C4orf54: variants seen among roughly 807,000 people sequenced by gnomAD.
C4orf54 encodes chromosome 4 open reading frame 54, also known as uncharacterized protein C4orf54.
In C4orf54, 67 loss-of-function variants were observed where a neutral mutation model predicts 80.1. The ratio of observed to expected loss-of-function variants is 0.84; its 90% confidence interval spans 0.69 to 1.03. The LOEUF is 1.03. Ranked by LOEUF, C4orf54 falls within the 50% of genes least tolerant of loss-of-function variation. The pLI is 0.00. For synonymous variants in C4orf54, 1,000 were observed against 917.0 expected (o/e 1.09, Z -1.64); for missense variants, 2,434 against 2,253.5 (o/e 1.08, Z -1.62).
intron 2 of C4orf54, among the ~76,000 whole-genome samples, chr4:99,643,090 A>G (rs1384410829): frequency 6.6e-6 from 1 of 152,188 alleles, no homozygotes; most frequent in African/African-American, 2.4e-5. Flanking sequence ...GTCTGCATTG[A>G]TAAGGGCTGA....
chr4:99,653,988 C>A lies in C4orf54; in HGVS notation c.661G>T (p.Gly221Cys). Residue 221 changes from glycine to cysteine, a missense_variant, in exon 2 of 3, where the codon GGT (glycine) becomes TGT (cysteine). Coordinates refer to ENST00000511828, the MANE Select transcript of C4orf54 (RefSeq NM_001354435.2). ...TTTGGGCTCCTAGAGGCCCTCTGAC[C>A]CCCAGGGCAGTGCCCCAGGGTAAGT... ...MKLTLGHCPG[G>C]QRASRSPKEK... 6.5e-7 allele frequency: 1 copy of A among 1,536,116 alleles called. No individual in the cohort carries two copies. The highest frequency in any genetic ancestry group is 8.7e-7 in the Non-Finnish European group (1 of 1,146,904).
At position 99,657,475 on chromosome 4, in the gene C4orf54, A is replaced by G. The variant is rs917921438; in HGVS notation, c.-32+20T>C. The stretch of plus-strand genomic sequence containing the variant: ...CCCCAAGAGGCAAAGAGAGAGCATC[A>G]TTCTGACAGTAGTACTTACCTCCAA... On this transcript the variant is annotated intron_variant, in intron 1 of 2. Transcript: ENST00000511828. 1.5e-4 allele frequency among the ~76,000 whole-genome samples: 23 copies of G among 152,248 alleles called. No individual in the cohort carries two copies. Among genetic ancestry groups the G allele is most frequent in the African/African-American group, 5.1e-4 (21 of 41,474 alleles).
Position 99,650,064 on chromosome 4 carries a change from G to T in C4orf54, c.4585C>A (p.Arg1529=). 5 of 1,535,946 alleles carry T rather than the reference G, an allele frequency of 3.3e-6. No individual in the cohort carries two copies. Among genetic ancestry groups the T allele is most frequent in the South Asian group, 2.4e-5 (2 of 84,048 alleles). Residue 1529 remains arginine, a synonymous_variant, in exon 2 of 3, where the codon CGA becomes AGA. Coordinates refer to ENST00000511828, the MANE Select transcript of C4orf54 (RefSeq NM_001354435.2). ...TCAGGTTTGGTACGCCAAGCTGGTCGGCTGGTTCCACTAACCTGAGAGCCT... is the reference window on the plus strand; with the variant it reads ...TCAGGTTTGGTACGCCAAGCTGGTCTGCTGGTTCCACTAACCTGAGAGCCT... ...SKGSQVSGTS[R]PAWRTKPDNP...
chr4:99,639,198 A>G lies in C4orf54; in HGVS notation c.*2035T>C, dbSNP rs1726563006. 1 of 152,084 alleles carries G rather than the reference A, an allele frequency of 6.6e-6. No individual in the cohort carries two copies. Among genetic ancestry groups the G allele is most frequent in the East Asian group, 1.9e-4 (1 of 5,180 alleles). 9.4% of individuals were successfully genotyped at this position (152,084 alleles called of 1,614,324 possible). On this transcript the variant is annotated 3_prime_UTR_variant, in exon 3 of 3. Coordinates refer to ENST00000511828, the MANE Select transcript of C4orf54 (RefSeq NM_001354435.2). ...ATTTGGCTTTAAACCAGTCTTAACA[A>G]TTTTGGTACTATCCACCCAAATCCT...
In C4orf54 at chr4:99,649,937, C is replaced by G; in HGVS notation, c.4712G>C (p.Gly1571Ala). 6.5e-7 allele frequency: 1 copy of G among 1,531,040 alleles called. No individual in the cohort carries two copies. Among genetic ancestry groups the G allele is most frequent in the African/African-American group, 1.4e-5 (1 of 72,950 alleles). 94.8% of individuals were successfully genotyped at this position (1,531,040 alleles called of 1,614,324 possible). A position where few individuals can be genotyped will look rare whatever the true frequency, so the allele number is the denominator to read the frequency against. Reference protein sequence around the residue: ...HQPPLPFTLQGAQPQVLCFSP... With the variant: ...HQPPLPFTLQAAQPQVLCFSP... The stretch of plus-strand genomic sequence containing the variant: ...GAAGCAGAGGACCTGAGGCTGGGCC[C>G]CCTGTAGGGTGAAGGGCAGCGGCGG... Residue 1571 changes from glycine (G) to alanine (A), a missense_variant, in exon 2 of 3, where the codon GGG becomes GCG. Physicochemically the swap from Gly to Ala is moderately conservative, Grantham distance 60. Transcript: ENST00000511828.
rs1029875558 is a variant in C4orf54, at chr4:99,649,384, A to G, written c.5265T>C (p.Phe1755=). ...TGACAGGCTTGCCATGCAGCTGGGC[A>G]AAGGCCTTGGCCCCTAGGAGCTGGG... The part of the protein sequence containing the change: ...ATSQLLGAKA[F]AQLHGKPVIS... The change falls in exon 2 of 3, where the codon TTT becomes TTC. Residue 1755 remains phenylalanine (F), a synonymous_variant. Coordinates refer to ENST00000511828, the MANE Select transcript of C4orf54 (RefSeq NM_001354435.2). 1.2e-5 allele frequency: 19 copies of G among 1,536,038 alleles called. No individual in the cohort carries two copies. The highest frequency in any genetic ancestry group is 1.6e-5 in the Non-Finnish European group (18 of 1,146,926).
Position 99,654,099 on chromosome 4 carries a change from G to A in C4orf54, c.550C>T (p.Pro184Ser). 1.3e-6 allele frequency: 2 copies of A among 1,536,156 alleles called. No individual in the cohort carries two copies. Among genetic ancestry groups the A allele is most frequent in the Non-Finnish European group, 1.7e-6 (2 of 1,146,910 alleles). Residue 184 changes from proline to serine, a missense_variant, in exon 2 of 3, where the codon CCT becomes TCT. Coordinates refer to ENST00000511828, the MANE Select transcript of C4orf54 (RefSeq NM_001354435.2). ...LKQQLWPLPK[P>S]SASSQREAKY... ...GCTTCTCGCTGGGAGGAGGCTGAAG[G>A]CTTGGGAAGTGGCCACAGCTGCTGC...
chr4:99,651,366 T>G lies in C4orf54; in HGVS notation c.3283A>C (p.Lys1095Gln), dbSNP rs1413372285. ...PHFQVRDIRD[K>Q]SKAQGPLHQV... ...TGGAGGGGGCCTTGAGCCTTGGACT[T>G]GTCTCTGATGTCTCTCACCTGGAAA... The change falls in exon 2 of 3, where the codon AAG becomes CAG. Residue 1095 changes from lysine to glutamine, a missense_variant. Physicochemically the swap from Lys to Gln is moderately conservative, Grantham distance 53. Coordinates refer to ENST00000511828, the MANE Select transcript of C4orf54 (RefSeq NM_001354435.2). 6.5e-7 allele frequency: 1 copy of G among 1,536,172 alleles called. No individual in the cohort carries two copies. Among genetic ancestry groups the G allele is most frequent in the Non-Finnish European group, 8.7e-7 (1 of 1,146,914 alleles).
rs765528875 is a variant in C4orf54, at chr4:99,649,622, T to C, written c.5027A>G (p.Tyr1676Cys). 9 of 1,535,930 alleles carry C rather than the reference T, an allele frequency of 5.9e-6. No homozygotes were observed. The highest frequency in any genetic ancestry group is 7.8e-6 in the Non-Finnish European group (9 of 1,146,888). The change falls in exon 2 of 3, where the codon TAC becomes TGC. Residue 1676 changes from tyrosine (Y) to cysteine (C), a missense_variant. Coordinates refer to ENST00000511828, the MANE Select transcript of C4orf54 (RefSeq NM_001354435.2). ...ALSPGAYGPT[Y>C]MIYPGFLPTV... is the part of the protein sequence containing the mutation. Reference sequence around the variant, plus strand: ...AGGCAGAAACCCAGGGTAAATCATGTAGGTGGGTCCATAAGCCCCAGGACT... The same window carrying C: ...AGGCAGAAACCCAGGGTAAATCATGCAGGTGGGTCCATAAGCCCCAGGACT...
rs1192804810 is a variant in C4orf54 at position 99,653,641 on chromosome 4, C to T, written c.1008G>A (p.Gly336=). The change falls in exon 2 of 3, where the codon GGG becomes GGA. Residue 336 remains glycine (G), a synonymous_variant. Transcript: ENST00000511828. ...CTGTTCCATCTCCTGCCCCTCCTCC[C>T]CCTCCTCCTTTTCCTCCTCCCCCTC... ...SGGGGGGKGG[G]GGGAGDGTEC... is the part of the protein sequence containing the mutation. 13 of 1,533,884 alleles carry T rather than the reference C, an allele frequency of 8.5e-6. No homozygotes were observed. Among genetic ancestry groups the T allele is most frequent in the East Asian group, 2.4e-5 (1 of 40,884 alleles).
At chr4:99,656,790 G>A (rs545967880) in intron 1 of C4orf54, among the ~76,000 whole-genome samples, 1 of 152,312 alleles carries the variant, frequency 6.6e-6, no homozygotes, top group East Asian at 1.9e-4. Context: ...TTATGTGACA[G>A]ACTTCAAACC....
chr4:99,646,293 G>C lies in C4orf54; in HGVS notation c.*36+2938C>G, dbSNP rs559884664. Among the ~76,000 whole-genome samples, 3 of 152,344 alleles carry C rather than the reference G, an allele frequency of 2.0e-5. No individual in the cohort carries two copies. In the South Asian group the frequency reaches 6.2e-4, roughly 32 times the overall value. Reference sequence around the variant, plus strand: ...GGCCCCTAATTTGTGTTATCCGTATGTGGGTTTACGGCCCCAACAGGGAGT... The same window carrying C: ...GGCCCCTAATTTGTGTTATCCGTATCTGGGTTTACGGCCCCAACAGGGAGT... On this transcript the variant is annotated intron_variant, in intron 2 of 2. Coordinates refer to ENST00000511828, the MANE Select transcript of C4orf54 (RefSeq NM_001354435.2).
intron 1 of C4orf54, among the ~76,000 whole-genome samples, 190 bp from the exon 2 acceptor site, chr4:99,654,869 G>A (rs991936226): frequency 2.6e-5 from 4 of 152,108 alleles, no homozygotes; most frequent in Non-Finnish European, 4.4e-5. Context: ...CTATTATAGC[G>A]ATGTCTAGCA....
In C4orf54 at chr4:99,649,599, G is replaced by A; in HGVS notation, c.5050C>T (p.Pro1684Ser). 1 of 1,536,160 alleles carries A rather than the reference G, an allele frequency of 6.5e-7. No homozygotes were observed. The highest frequency in any genetic ancestry group is 8.7e-7 in the Non-Finnish European group (1 of 1,146,920). Residue 1684 changes from proline (P) to serine (S), a missense_variant, in exon 2 of 3, where the codon CCT becomes TCT. Transcript: ENST00000511828. ...AGAGCATTGGTGGGCAGCACGGTAGGCAGAAACCCAGGGTAAATCATGTAG... is the reference window on the plus strand; with the variant it reads ...AGAGCATTGGTGGGCAGCACGGTAGACAGAAACCCAGGGTAAATCATGTAG... ...PTYMIYPGFL[P>S]TVLPTNALQP...
rs1560642224 is a variant in C4orf54 at position 99,654,407 on chromosome 4, G to C, written c.242C>G (p.Pro81Arg). Residue 81 changes from proline to arginine, a missense_variant, in exon 2 of 3, where the codon CCA becomes CGA. Transcript: ENST00000511828. The part of the protein sequence containing the change: ...PTSLRLAAAP[P>R]QGLKNWEVVA... ...CACCTCCCAGTTCTTCAGCCCCTGT[G>C]GCGGGGCCGCAGCAAGCCTGAGGGA... The C allele has an allele frequency of 3.5e-6, 3 of 849,480 alleles. No homozygotes were observed. The highest frequency in any genetic ancestry group is 5.8e-6 in the Non-Finnish European group (3 of 519,588). 52.6% of individuals were successfully genotyped at this position (849,480 alleles called of 1,614,324 possible). A position where few individuals can be genotyped will look rare whatever the true frequency, so the allele number is the denominator to read the frequency against.
At chr4:99,647,466 AT>A (rs1553930040) in intron 2 of C4orf54, among the ~76,000 whole-genome samples, 18 of 150,112 alleles carry the variant, frequency 1.2e-4, no homozygotes, top group Admixed American at 5.3e-4. Context: ...TGCATATTGA[AT>A]TTTTTTTTAA....
In C4orf54 at chr4:99,653,657, C is replaced by A; in HGVS notation, c.992G>T (p.Gly331Val). The change falls in exon 2 of 3, where the codon GGA becomes GTA. Residue 331 changes from glycine to valine, a missense_variant. By Grantham distance (109) the Gly-to-Val change is moderately radical. Transcript: ENST00000511828. ...CCCTCCTCCCCCTCCTCCTTTTCCT[C>A]CTCCCCCTCCTCCTGATATTTTCTC... The part of the protein sequence containing the change: ...EGEKISGGGG[G>V]GKGGGGGGAG... 6.6e-7 allele frequency: 1 copy of A among 1,521,798 alleles called. No individual in the cohort carries two copies. The highest frequency in any genetic ancestry group is 1.2e-5 in the South Asian group (1 of 81,496). 94.3% of individuals were successfully genotyped at this position (1,521,798 alleles called of 1,614,324 possible).
chr4:99,643,926 T>G (rs896817304), intron 2 of C4orf54, among the ~76,000 whole-genome samples: 4 of 152,158 alleles, frequency 2.6e-5, no homozygotes, highest in Non-Finnish European at 5.9e-5. Context: ...ACTTTAATGT[T>G]TCATATAATT....
Position 99,653,276 on chromosome 4 carries a change from C to T in C4orf54, c.1373G>A (p.Gly458Asp). 6.5e-7 allele frequency: 1 copy of T among 1,530,472 alleles called. No individual in the cohort carries two copies. Among genetic ancestry groups the T allele is most frequent in the Non-Finnish European group, 8.7e-7 (1 of 1,143,194 alleles). 94.8% of individuals were successfully genotyped at this position (1,530,472 alleles called of 1,614,324 possible). The change falls in exon 2 of 3, where the codon GGC (glycine) becomes GAC (aspartate). Residue 458 changes from glycine to aspartate, a missense_variant. Transcript: ENST00000511828. ...TSSDLARPNA[G>D]RSGRDTSSTE... ...GCTGCTGGTGTCGCGGCCACTGCGGCCTGCATTGGGGCGGGCCAGGTCGCT... is the reference window on the plus strand; with the variant it reads ...GCTGCTGGTGTCGCGGCCACTGCGGTCTGCATTGGGGCGGGCCAGGTCGCT...
Sources: gnomAD v4.1 joint callset for allele counts (sites outside exome capture counted in the v4.1 genomes callset) on GRCh38, gnomAD v4.1.1 for gene constraint, MANE v1.5 for transcripts, NCBI Gene and HGNC (gene_info 2026-07-23, HGNC 2026-07-21) for gene names.